Variants in TTC23L observed in about 807,000 individuals in gnomAD.
TTC23L encodes tetratricopeptide repeat protein 23-like.
TTC23L carries 42 observed loss-of-function variants against 48.1 expected under a neutral mutation model. The observed-to-expected ratio is 0.87, with a 90% CI of 0.68 to 1.13. TTC23L has a LOEUF of 1.13. Ranked by LOEUF, TTC23L falls within the 50% of genes most tolerant of loss-of-function variation. TTC23L has a pLI of 0.00. For missense variants in TTC23L, 391 were observed against 421.0 expected (o/e 0.93, Z 0.62); for synonymous variants, 159 against 157.2 (o/e 1.01, Z -0.09).
intron 9 of TTC23L, among the ~76,000 whole-genome samples, chr5:34,882,785 A>G (rs1762313911): frequency 6.6e-6 from 1 of 152,142 alleles, no homozygotes; most frequent in Non-Finnish European, 1.5e-5. Flanking sequence ...CACACCTGTA[A>G]TCCCAGCACT....
the TTC23L span, chr5:34,921,415 G>A: frequency 4.0e-4 from 61 of 152,186 alleles, no homozygotes; most frequent in African/African-American, 1.3e-3. Flanking sequence ...TGTGATCTTA[G>A]AATCAAAAAG....
chr5:34,880,222 C>G (rs201779442), exon 9 of TTC23L: 1 of 1,612,928 alleles, frequency 6.2e-7, no homozygotes, highest in Non-Finnish European at 8.5e-7. Context: ...CAATGCATAT[C>G]GAGCAACATT....
chr5:34,911,709 C>T, the TTC23L span: 6 of 1,614,114 alleles, frequency 3.7e-6, no homozygotes, highest in East Asian at 2.2e-5. Context: ...CCTCAGGTTC[C>T]TGTGTATTGA....
At chr5:34,888,848 A>G (rs1247219300) in intron 9 of TTC23L, among the ~76,000 whole-genome samples, 3 of 152,208 alleles carry the variant, frequency 2.0e-5, no homozygotes, top group African/African-American at 7.2e-5. Flanking sequence ...TGTGATAGTT[A>G]TGATATGGAT....
chr5:34,856,105 T>A (rs1760112590), intron 4 of TTC23L, among the ~76,000 whole-genome samples: 1 of 152,132 alleles, frequency 6.6e-6, no homozygotes, highest in South Asian at 2.1e-4. Flanking sequence ...CCCCTGAAAT[T>A]GCCATTTTCA....
At chr5:34,917,293 G>A in the TTC23L span, among the ~76,000 whole-genome samples, 4 of 152,176 alleles carry the variant, frequency 2.6e-5, no homozygotes, top group Non-Finnish European at 5.9e-5. Context: ...TATGTCATTT[G>A]AACTTTGTTT....
exon 9 of TTC23L, chr5:34,880,193 T>A: frequency 6.2e-7 from 1 of 1,611,390 alleles, no homozygotes; most frequent in Admixed American, 1.7e-5. Context: ...GCTGTTGAGA[T>A]ATATTTCATA....
At chr5:34,846,648 C>A (rs1759201563) in intron 3 of TTC23L, among the ~76,000 whole-genome samples, 1 of 112,258 alleles carries the variant, frequency 8.9e-6, no homozygotes. Context: ...CGTATATATA[C>A]AAATACATAT....
chr5:34,881,340 C>T (rs1762211426), intron 9 of TTC23L, among the ~76,000 whole-genome samples: 1 of 152,164 alleles, frequency 6.6e-6, no homozygotes, highest in African/African-American at 2.4e-5. Context: ...ATTGTTATTG[C>T]TGACCTTTTT....
At chr5:34,885,244 G>A (rs1314095881) in intron 9 of TTC23L, among the ~76,000 whole-genome samples, 1 of 152,140 alleles carries the variant, frequency 6.6e-6, no homozygotes, top group Non-Finnish European at 1.5e-5. Flanking sequence ...ACAGATTAAA[G>A]AATCATGAAA....
chr5:34,882,862 A>G (rs975879564), intron 9 of TTC23L, among the ~76,000 whole-genome samples: 2 of 152,090 alleles, frequency 1.3e-5, no homozygotes, highest in Non-Finnish European at 2.9e-5. Flanking sequence ...CAACAAAGTG[A>G]GACCCTCATC....
exon 5 of TTC23L, chr5:34,862,943 C>T: frequency 6.2e-7 from 1 of 1,613,976 alleles, no homozygotes; most frequent in East Asian, 2.2e-5. Flanking sequence ...GCCAAGAATA[C>T]ACTGTTGACC....
At chr5:34,911,951 G>A in the TTC23L span, 1 of 1,012,396 alleles carries the variant, frequency 9.9e-7, no homozygotes. Flanking sequence ...CATAAAAAGG[G>A]ATGACATCTT....
intron 4 of TTC23L, among the ~76,000 whole-genome samples, chr5:34,855,167 ATTGGG>A (rs1760022722): frequency 2.0e-5 from 1 of 49,880 alleles, no homozygotes; most frequent in Non-Finnish European, 3.7e-5. Context: ...AGAAGGGTAC[ATTGGG>A]CAGGCTAAGG....
the TTC23L span, chr5:34,923,498 A>G: frequency 9.6e-6 from 4 of 414,828 alleles, no homozygotes; most frequent in Non-Finnish European, 1.8e-5. Context: ...GGCTGGTCTC[A>G]AACTCCTGAC....
At chr5:34,899,734 C>CA (rs544398826), downstream of TTC23L, among the ~76,000 whole-genome samples, 95 of 151,884 alleles carry the variant, frequency 6.3e-4, no homozygotes, top group East Asian at 0.014. Context: ...ACTAAAAATA[C>CA]AAAAAAAATT....
At chr5:34,897,412 T>TA (rs200445158) in intron 10 of TTC23L, among the ~76,000 whole-genome samples, 6 of 151,498 alleles carry the variant, frequency 4.0e-5, no homozygotes, top group Non-Finnish European at 7.4e-5. Context: ...AATTAAACAT[T>TA]AAAAAAAATA....
chr5:34,883,516 TC>T (rs1762371230), intron 9 of TTC23L: 1 of 172,400 alleles, frequency 5.8e-6, no homozygotes, highest in Non-Finnish European at 1.3e-5. Context: ...TGGAACCTGT[TC>T]CCTGAATAGC....
At chr5:34,895,977 ATGAG>A (rs771550853) in intron 9 of TTC23L, among the ~76,000 whole-genome samples, 1 of 152,210 alleles carries the variant, frequency 6.6e-6, no homozygotes, top group Non-Finnish European at 1.5e-5. Flanking sequence ...AAACCTTGGT[ATGAG>A]TGAGTGAGGA....
Sources: gnomAD v4.1 joint callset for allele counts (sites outside exome capture counted in the v4.1 genomes callset) on GRCh38, gnomAD v4.1.1 for gene constraint, MANE v1.5 for transcripts, NCBI Gene and HGNC (gene_info 2026-07-23, HGNC 2026-07-21) for gene names.